The following COL9A2 variants were observed in gnomAD, a reference collection of about 807,000 sequenced individuals.
The protein encoded by COL9A2 is collagen type IX alpha 2 chain, also known as collagen alpha-2(IX) chain.
COL9A2 carries 66 observed loss-of-function variants against 111.6 expected under a neutral mutation model. The observed-to-expected ratio is 0.59, with a 90% confidence interval of 0.48 to 0.73. The LOEUF is 0.73. Among genes scored for constraint, COL9A2 ranks in the 30% least tolerant of loss-of-function variants. The pLI, the probability that COL9A2 is intolerant of heterozygous loss-of-function variation, is 0.00. For missense variants in COL9A2, 881 were observed against 954.1 expected (o/e 0.92, Z 1.01); for synonymous variants, 353 against 364.1 (o/e 0.97, Z 0.35).
Position 40,308,196 on chromosome 1 carries a change from G to C in COL9A2, c.896C>G (p.Ala299Gly). Residue 299 changes from alanine (A) to glycine (G), a missense_variant, in exon 17 of 32, where the codon GCA (alanine) becomes GGA (glycine). Coordinates refer to ENST00000372748, the MANE Select transcript of COL9A2 (RefSeq NM_001852.4). Reference sequence around the variant, plus strand: ...GCCTAGGCCTCTGGCACCTACCGTTGCTCCTTTCGGGCCTGTGATCCCCTG... The same window carrying C: ...GCCTAGGCCTCTGGCACCTACCGTTCCTCCTTTCGGGCCTGTGATCCCCTG... ...GPQGITGPKG[A>G]TGPPGINGKD... 1 of 1,614,098 alleles carries C rather than the reference G, an allele frequency of 6.2e-7. No individual in the cohort carries two copies. Among genetic ancestry groups the C allele is most frequent in the Non-Finnish European group, 8.5e-7 (1 of 1,179,984 alleles).
In COL9A2 at chr1:40,308,114, G is replaced by A; in HGVS notation, c.900+78C>T. Reference sequence around the variant, plus strand: ...TTGCAGAGTTCAGACTAGCATCCCAGGCTTCTCTTCTGGGGGTTTGGACAA... The same window carrying A: ...TTGCAGAGTTCAGACTAGCATCCCAAGCTTCTCTTCTGGGGGTTTGGACAA... On this transcript the variant is annotated intron_variant, in intron 17 of 31. Transcript: ENST00000372748. 3 of 1,430,438 alleles carry A rather than the reference G, an allele frequency of 2.1e-6. No homozygotes were observed. In the South Asian group the frequency reaches 3.4e-5, roughly 16 times the overall value. 88.6% of individuals were successfully genotyped at this position (1,430,438 alleles called of 1,614,324 possible).
In COL9A2 at chr1:40,307,548, G is replaced by A; in HGVS notation, c.955-49C>T. On this transcript the variant is annotated intron_variant, in intron 18 of 31. Coordinates refer to ENST00000372748, the MANE Select transcript of COL9A2 (RefSeq NM_001852.4). The surrounding 1 kb of genome is among the most constrained non-coding windows in gnomAD (Gnocchi z 4.8). ...ATACAAATTAAAGCTCCAGCCAGAG[G>A]GCCATGGCTTCTACCCAGATGCAGG... is the stretch of plus-strand genomic sequence containing the variant. The A allele has an allele frequency of 6.2e-7, 1 of 1,605,780 alleles. No homozygotes were observed. Among genetic ancestry groups the A allele is most frequent in the Non-Finnish European group, 8.5e-7 (1 of 1,173,120 alleles).
At position 40,317,028 on chromosome 1, in the gene COL9A2, G is replaced by A. The variant is rs1479212005; in HGVS notation, c.75+95C>T. ...CCTCAGGTGGCCTCTCGGGCTAGGG[G>A]TGTCAGTAGGCGCGGGACACAGGCA... On this transcript the variant is annotated intron_variant, in intron 1 of 31. Coordinates refer to ENST00000372748, the MANE Select transcript of COL9A2 (RefSeq NM_001852.4). This position sits in a 1 kb window ranked among gnomAD's most constrained non-coding sequence, Gnocchi z 4.3. 3 of 1,276,194 alleles carry A rather than the reference G, an allele frequency of 2.4e-6. No homozygotes were observed. Among genetic ancestry groups the A allele is most frequent in the Non-Finnish European group, 3.3e-6 (3 of 896,712 alleles). The allele number at this position is 1,276,194 out of a possible 1,614,324, so 79.1% of individuals were successfully genotyped here.
At chr1:40,304,607 T>C in intron 22 of COL9A2, 78 bp from the exon 23 acceptor site, 1 of 1,541,536 alleles carries the variant, frequency 6.5e-7, no homozygotes, top group Non-Finnish European at 8.9e-7. Flanking sequence ...TGGCACCGCA[T>C]GGTCAGGGTG....
chr1:40,307,268 G>A lies in COL9A2; in HGVS notation c.1008+178C>T, dbSNP rs1644044052. On this transcript the variant is annotated intron_variant, in intron 19 of 31. Coordinates refer to ENST00000372748, the MANE Select transcript of COL9A2 (RefSeq NM_001852.4). This position sits in a 1 kb window ranked among gnomAD's most constrained non-coding sequence, Gnocchi z 4.8. ...TTTAGCCAACATGGAGGACTGGAAT[G>A]GCCAAAGAGAAGGCTAGAGTAATTG... Among the ~76,000 whole-genome samples the A allele has an allele frequency of 6.6e-6, 1 of 152,228 alleles. No individual in the cohort carries two copies.
At chr1:40,308,047 G>A (rs1055369859) in intron 17 of COL9A2, 145 bp downstream of exon 17, 9 of 817,872 alleles carry the variant, frequency 1.1e-5, no homozygotes, top group Non-Finnish European at 1.8e-5. Flanking sequence ...CTGAGGCACA[G>A]AAAGGGAGGC....
At position 40,312,088 on chromosome 1, in the gene COL9A2, G is replaced by C. The variant is rs1192673413; in HGVS notation, c.388C>G (p.Pro130Ala). 6.2e-7 allele frequency: 1 copy of C among 1,602,742 alleles called. No individual in the cohort carries two copies. Among genetic ancestry groups the C allele is most frequent in the East Asian group, 2.2e-5 (1 of 44,494 alleles). ...PPGPPGPVGL[P>A]GEIGIRGPKG... ...GGGCCTCGGATTCCAATCTCACCAG[G>C]GAGGCCAACAGGTCCAGGAGGCCCC... Residue 130 changes from proline (P) to alanine (A), a missense_variant, in exon 8 of 32, where the codon CCT (proline) becomes GCT (alanine). Coordinates refer to ENST00000372748, the MANE Select transcript of COL9A2 (RefSeq NM_001852.4). The surrounding 1 kb of genome is among the most constrained non-coding windows in gnomAD (Gnocchi z 6.0).
chr1:40,304,337 C>G lies in COL9A2; in HGVS notation c.1270G>C (p.Gly424Arg). 1 of 1,567,572 alleles carries G rather than the reference C, an allele frequency of 6.4e-7. No homozygotes were observed. The highest frequency in any genetic ancestry group is 1.2e-5 in the South Asian group (1 of 85,654). ...PGIPGPQGLP[G>R]VKGDKGSPGK... is the part of the protein sequence containing the mutation. ...TCTGGCACCTTGTCTCCTTTGACGCCTGGCAAGCCTTGGGGCCCTGGAATT... is the reference window on the plus strand; with the variant it reads ...TCTGGCACCTTGTCTCCTTTGACGCGTGGCAAGCCTTGGGGCCCTGGAATT... The change falls in exon 24 of 32, where the codon GGC becomes CGC. Residue 424 changes from glycine (G) to arginine (R), a missense_variant. Gly to Arg is a moderately radical substitution (Grantham distance 125, BLOSUM62 -2). Transcript: ENST00000372748.
Position 40,305,833 on chromosome 1 carries a change from C to T in COL9A2, c.1054-65G>A, listed in dbSNP as rs550114624. 2.9e-3 allele frequency: 4,194 copies of T among 1,435,666 alleles called. 6 individuals are homozygous for T. Among genetic ancestry groups the T allele is most frequent in the Non-Finnish European group, 4.0e-3 (4,034 of 1,018,930 alleles). The allele number at this position is 1,435,666 out of a possible 1,614,324, so 88.9% of individuals were successfully genotyped here. On this transcript the variant is annotated intron_variant, in intron 20 of 31. Coordinates refer to ENST00000372748, the MANE Select transcript of COL9A2 (RefSeq NM_001852.4). Reference sequence around the variant, plus strand: ...GTCAGGCCCTTGGCCTCAGGGAAACCCAACGAAGCCTAAACAGAGCCTGGA... The same window carrying T: ...GTCAGGCCCTTGGCCTCAGGGAAACTCAACGAAGCCTAAACAGAGCCTGGA...
chr1:40,308,330 G>A lies in COL9A2; in HGVS notation c.847-85C>T, dbSNP rs768181143. ...AGAGAGGGGAACCACTGAGAACAGT[G>A]GCCTCTAGGTCCCAGAGTTCCTCTG... On this transcript the variant is annotated intron_variant, in intron 16 of 31. Transcript: ENST00000372748. The A allele has an allele frequency of 8.5e-6, 12 of 1,404,436 alleles. No homozygotes were observed. The South Asian group carries it at 9.8e-5, about 11-fold the overall frequency. The allele number at this position is 1,404,436 out of a possible 1,614,324, so 87.0% of individuals were successfully genotyped here.
chr1:40,305,556 A>G (rs996313899), intron 21 of COL9A2, among the ~76,000 whole-genome samples, 159 bp downstream of exon 21: 12 of 152,180 alleles, frequency 7.9e-5, no homozygotes, highest in African/African-American at 2.9e-4. Context: ...CCTCCCTGCA[A>G]TGTACATAGG....
At position 40,311,371 on chromosome 1, in the gene COL9A2, C is replaced by T. The variant is rs1644122078; in HGVS notation, c.520-85G>A. ...CCAAGCCCCGTGCTCTCCTCCGCCT[C>T]ACCTGGTGGAACCCCTGCACTGCAG... is the stretch of plus-strand genomic sequence containing the variant. On this transcript the variant is annotated intron_variant, in intron 10 of 31. Coordinates refer to ENST00000372748, the MANE Select transcript of COL9A2 (RefSeq NM_001852.4). This position sits in a 1 kb window ranked among gnomAD's most constrained non-coding sequence, Gnocchi z 5.1. 1 of 1,570,304 alleles carries T rather than the reference C, an allele frequency of 6.4e-7. No individual in the cohort carries two copies. Among genetic ancestry groups the T allele is most frequent in the African/African-American group, 1.4e-5 (1 of 73,964 alleles).
At position 40,311,248 on chromosome 1, in the gene COL9A2, T is replaced by C. The variant is rs1644118969; in HGVS notation, c.558A>G (p.Pro186=). 1 of 1,614,028 alleles carries C rather than the reference T, an allele frequency of 6.2e-7. No homozygotes were observed. Among genetic ancestry groups the C allele is most frequent in the Admixed American group, 1.7e-5 (1 of 60,000 alleles). Residue 186 remains proline, a synonymous_variant, in exon 11 of 32, where the codon CCA becomes CCG. Transcript: ENST00000372748. This position sits in a 1 kb window ranked among gnomAD's most constrained non-coding sequence, Gnocchi z 5.1. ...TNCPPGMKGP[P]GLQGVKGHAG... is the part of the protein sequence containing the mutation. ...CTCTCACCTTCACTCCCTGCAGCCC[T>C]GGGGGACCTTTCATTCCGGGTGGAC...
chr1:40,309,241 AAAAAC>A (rs1214990646), intron 16 of COL9A2, among the ~76,000 whole-genome samples: 4 of 152,110 alleles, frequency 2.6e-5, no homozygotes. Context: ...ACTCCATCTC[AAAAAC>A]AAAACAAAAC....
chr1:40,303,474 C>A lies in COL9A2; in HGVS notation c.1548+56G>T. 2 of 1,607,528 alleles carry A rather than the reference C, an allele frequency of 1.2e-6. No homozygotes were observed. The highest frequency in any genetic ancestry group is 1.7e-5 in the Admixed American group (1 of 59,714). ...TCCCTAGCCTTTGGCGGGTAAGCCG[C>A]ACCCCAGAACAGATCTACCTAGAAG... On this transcript the variant is annotated intron_variant, in intron 28 of 31. Transcript: ENST00000372748. The surrounding 1 kb of genome is among the most constrained non-coding windows in gnomAD (Gnocchi z 4.6).
In COL9A2 at chr1:40,303,433, G is replaced by T; in HGVS notation, c.1548+97C>A. 1.3e-6 allele frequency: 2 copies of T among 1,523,258 alleles called. No individual in the cohort carries two copies. Among genetic ancestry groups the T allele is most frequent in the Admixed American group, 1.8e-5 (1 of 54,220 alleles). The allele number at this position is 1,523,258 out of a possible 1,614,324, so 94.4% of individuals were successfully genotyped here. ...GCTTGGAACCAGTCTCGGGGAAGTC[G>T]GTGAGTCTCTGGGAATCCCTAGCCT... On this transcript the variant is annotated intron_variant, in intron 28 of 31. Coordinates refer to ENST00000372748, the MANE Select transcript of COL9A2 (RefSeq NM_001852.4). This position sits in a 1 kb window ranked among gnomAD's most constrained non-coding sequence, Gnocchi z 4.6.
chr1:40,315,512 CA>C, intron 2 of COL9A2, 77 bp downstream of exon 2: 1 of 1,484,932 alleles, frequency 6.7e-7, no homozygotes, highest in Non-Finnish European at 9.1e-7. Flanking sequence ...CCGAAGTCCC[CA>C]CCCCCACCAC....
chr1:40,304,605 C>T (rs1643994314), intron 22 of COL9A2, 76 bp from the exon 23 acceptor site: 2 of 1,557,574 alleles, frequency 1.3e-6, no homozygotes, highest in Non-Finnish European at 8.8e-7. Context: ...CCTGGCACCG[C>T]ATGGTCAGGG....
In COL9A2 at chr1:40,314,217, C is replaced by T. The variant is rs1425492242; in HGVS notation, c.237G>A (p.Lys79=). The T allele has an allele frequency of 1.2e-6, 2 of 1,614,134 alleles. No individual in the cohort carries two copies. Among genetic ancestry groups the T allele is most frequent in the Admixed American group, 1.7e-5 (1 of 60,012 alleles). The part of the protein sequence containing the change: ...GKAGPDGPDG[K]PGIDGLTGAK... ...CTCAGCTACTCACATCAATCCCGGGCTTCCCGTCTGGCCCATCTGGCCCAG... is the reference window on the plus strand; with the variant it reads ...CTCAGCTACTCACATCAATCCCGGGTTTCCCGTCTGGCCCATCTGGCCCAG... Residue 79 remains lysine (K), a synonymous_variant, in exon 4 of 32, where the codon AAG becomes AAA. Coordinates refer to ENST00000372748, the MANE Select transcript of COL9A2 (RefSeq NM_001852.4). The surrounding 1 kb of genome is among the most constrained non-coding windows in gnomAD (Gnocchi z 4.1).
Sources: gnomAD v4.1 joint callset for allele counts (sites outside exome capture counted in the v4.1 genomes callset) on GRCh38, gnomAD v4.1.1 for gene constraint, Gnocchi (gnomAD v3.1) non-coding constraint, MANE v1.5 for transcripts, NCBI Gene and HGNC (gene_info 2026-07-23, HGNC 2026-07-21) for gene names.